OR5P2: variants seen among roughly 807,000 people sequenced by gnomAD.
OR5P2 encodes the protein olfactory receptor 5P2.
For synonymous variants in OR5P2, 165 were observed against 145.6 expected, an observed-to-expected ratio of 1.13 and a Z score of -0.96; for missense variants, 455 against 382.3, an observed-to-expected ratio of 1.19 and a Z score of -1.59.
rs147652902 is a variant in OR5P2 at position 7,796,624 on chromosome 11, C to G, written c.319G>C (p.Glu107Gln). ...LGSAAFFATV[E>Q]CVLLAAMAYD... ...GCCATGGCAGCCAGAAGGACGCATT[C>G]GACTGTTGCAAAGAAAGCCGCTGAA... Residue 107 changes from glutamate (E) to glutamine (Q), a missense_variant, in exon 1 of 1, where the codon GAA (glutamate) becomes CAA (glutamine). By Grantham distance (29) the Glu-to-Gln change is conservative (BLOSUM62 2). Transcript: ENST00000329434. 9.3e-6 allele frequency: 15 copies of G among 1,604,844 alleles called. No homozygotes were observed. Among genetic ancestry groups the G allele is most frequent in the Non-Finnish European group, 1.3e-5 (15 of 1,178,670 alleles).
In OR5P2 at chr11:7,796,331, C is replaced by A; in HGVS notation, c.612G>T (p.Val204=). 6.2e-7 allele frequency: 1 copy of A among 1,604,968 alleles called. No homozygotes were observed. Among genetic ancestry groups the A allele is most frequent in the Non-Finnish European group, 8.5e-7 (1 of 1,178,596 alleles). The change falls in exon 1 of 1, where the codon GTG becomes GTT. Residue 204 remains valine, a synonymous_variant. Transcript: ENST00000329434. ...VLSFSSGSII[V]VTVCVIAVCY... is the part of the protein sequence containing the mutation. ...AGACGGCTATGACACACACAGTGACCACAATGATGGATCCAGAAGAAAATG... is the reference window on the plus strand; with the variant it reads ...AGACGGCTATGACACACACAGTGACAACAATGATGGATCCAGAAGAAAATG...
Position 7,796,863 on chromosome 11 carries a change from C to G in OR5P2, c.80G>C (p.Arg27Pro). Residue 27 changes from arginine to proline, a missense_variant, in exon 1 of 1, where the codon CGA becomes CCA. By Grantham distance (103) the Arg-to-Pro change is moderately radical (BLOSUM62 -2). Transcript: ENST00000329434. ...LLGLTDDPIL[R>P]VILFMIILSG... ...TAGGATGATCATGAAGAGGATGACTCGAAGGATTGGATCATCTGTTAAGCC... is the reference window on the plus strand; with the variant it reads ...TAGGATGATCATGAAGAGGATGACTGGAAGGATTGGATCATCTGTTAAGCC... 1.6e-6 allele frequency: 2 copies of G among 1,225,326 alleles called. No homozygotes were observed. Among genetic ancestry groups the G allele is most frequent in the Non-Finnish European group, 2.3e-6 (2 of 887,018 alleles). 75.9% of individuals were successfully genotyped at this position (1,225,326 alleles called of 1,614,324 possible).
chr11:7,796,781 A>G lies in OR5P2; in HGVS notation c.162T>C (p.Pro54=). The change falls in exon 1 of 1, where the codon CCT becomes CCC. Residue 54 remains proline, a synonymous_variant. Transcript: ENST00000329434. The part of the protein sequence containing the change: ...LIRISSQLHH[P]MYFFLSHLAF... Reference sequence around the variant, plus strand: ...CCAAGTGGCTCAGAAAGAAATACATAGGATGATGGAGCTGAGAAGAAATTC... The same window carrying G: ...CCAAGTGGCTCAGAAAGAAATACATGGGATGATGGAGCTGAGAAGAAATTC... 6.2e-7 allele frequency: 1 copy of G among 1,600,990 alleles called. No individual in the cohort carries two copies. The highest frequency in any genetic ancestry group is 2.3e-5 in the East Asian group (1 of 44,332).
At position 7,796,375 on chromosome 11, in the gene OR5P2, C is replaced by T. The variant is rs76873054; in HGVS notation, c.568G>A (p.Val190Ile). The change falls in exon 1 of 1, where the codon GTC becomes ATC. Residue 190 changes from valine to isoleucine, a missense_variant. By Grantham distance (29) the Val-to-Ile change is conservative (BLOSUM62 3). Coordinates refer to ENST00000329434, the MANE Select transcript of OR5P2 (RefSeq NM_153444.1). ...GAAAATGAGAGAACAACTGTGGAGA[C>T]ACTGATATCAGAACAGGAGAGTTCA... is the stretch of plus-strand genomic sequence containing the variant. ...LLELSCSDIS[V>I]STVVLSFSSG... The T allele has an allele frequency of 4.4e-5, 71 of 1,604,852 alleles. 2 individuals carry two copies. The highest frequency in any genetic ancestry group is 5.9e-5 in the Non-Finnish European group (69 of 1,178,430).
chr11:7,796,430 A>G lies in OR5P2; in HGVS notation c.513T>C (p.Asn171=). The change falls in exon 1 of 1, where the codon AAT becomes AAC. Residue 171 remains asparagine, a synonymous_variant. Coordinates refer to ENST00000329434, the MANE Select transcript of OR5P2 (RefSeq NM_153444.1). ...FLLFCGPNQV[N]HFFCDFAPLL... ...AGGGAGCGAAATCACAGAAAAAATGATTGACTTGATTTGGTCCACAGAAGA... is the reference window on the plus strand; with the variant it reads ...AGGGAGCGAAATCACAGAAAAAATGGTTGACTTGATTTGGTCCACAGAAGA... The G allele has an allele frequency of 6.2e-7, 1 of 1,604,984 alleles. No homozygotes were observed. Among genetic ancestry groups the G allele is most frequent in the Non-Finnish European group, 8.5e-7 (1 of 1,178,430 alleles).
chr11:7,796,022 A>G lies in OR5P2; in HGVS notation c.921T>C (p.Ser307=). The G allele has an allele frequency of 1.3e-6, 2 of 1,597,672 alleles. No homozygotes were observed. Among genetic ancestry groups the G allele is most frequent in the Non-Finnish European group, 1.7e-6 (2 of 1,172,792 alleles). ...LKRELVRKIL[S]HDACYFSRTS... ...TTCTACTAAAATAACAAGCATCATG[A>G]GAAAGTATTTTTCTAACAAGCTCTC... Residue 307 remains serine (S), a synonymous_variant, in exon 1 of 1, where the codon TCT becomes TCC. Coordinates refer to ENST00000329434, the MANE Select transcript of OR5P2 (RefSeq NM_153444.1).
Position 7,796,147 on chromosome 11 carries a change from G to A in OR5P2, c.796C>T (p.Gln266Ter). ...VMPNFSYSTD[Q>*]NKVVSVLYTV... The stretch of plus-strand genomic sequence containing the variant: ...TACAACACAGACACCACCTTGTTCT[G>A]GTCAGTTGAGTAGCTAAAATTGGGC... Residue 266 changes from glutamine to a stop codon, truncating the protein, a stop_gained, in exon 1 of 1, where the codon CAG becomes TAG. Transcript: ENST00000329434. LOFTEE classifies it low-confidence loss of function (END_TRUNC). 1 of 1,605,128 alleles carries A rather than the reference G, an allele frequency of 6.2e-7. No homozygotes were observed. The highest frequency in any genetic ancestry group is 8.5e-7 in the Non-Finnish European group (1 of 1,178,618).
At position 7,796,221 on chromosome 11, in the gene OR5P2, A is replaced by C. The variant is rs1307403846; in HGVS notation, c.722T>G (p.Leu241Arg). ...CCCATAGAACAGGGTAACCACAGTG[A>C]GGTGGGAAGTGCAGGTGGAGAAGGC... ...HKAFSTCTSH[L>R]TVVTLFYGTI... Residue 241 changes from leucine (L) to arginine (R), a missense_variant, in exon 1 of 1, where the codon CTC becomes CGC. Leu to Arg is a moderately radical substitution (Grantham distance 102). Transcript: ENST00000329434. The C allele has an allele frequency of 6.2e-7, 1 of 1,604,980 alleles. No homozygotes were observed. The highest frequency in any genetic ancestry group is 1.4e-5 in the African/African-American group (1 of 69,088).
rs770660423 is a variant in OR5P2 at position 7,796,854 on chromosome 11, A to AT, written c.88_89insA (p.Leu30HisfsTer9). 2.5e-6 allele frequency: 4 copies of AT among 1,597,520 alleles called. No homozygotes were observed. Among genetic ancestry groups the AT allele is most frequent in the Non-Finnish European group, 3.4e-6 (4 of 1,172,446 alleles). ...ATTACCAGATAGGATGATCATGAAGAGGATGACTCGAAGGATTGGATCATC... is the reference window on the plus strand; with the variant it reads ...ATTACCAGATAGGATGATCATGAAGATGGATGACTCGAAGGATTGGATCATC... On this transcript the variant is annotated frameshift_variant, in exon 1 of 1. Coordinates refer to ENST00000329434, the MANE Select transcript of OR5P2 (RefSeq NM_153444.1). LOFTEE classifies it low-confidence loss of function (END_TRUNC).
In OR5P2 at chr11:7,796,361, A is replaced by T. The variant is rs1316542910; in HGVS notation, c.582T>A (p.Val194=). Residue 194 remains valine, a synonymous_variant, in exon 1 of 1, where the codon GTT becomes GTA. Transcript: ENST00000329434. ...SCSDISVSTV[V]LSFSSGSIIV... The stretch of plus-strand genomic sequence containing the variant: ...TGATGGATCCAGAAGAAAATGAGAG[A>T]ACAACTGTGGAGACACTGATATCAG... The T allele has an allele frequency of 6.2e-7, 1 of 1,605,166 alleles. No homozygotes were observed. The highest frequency in any genetic ancestry group is 2.3e-5 in the East Asian group (1 of 44,348).
rs756564944 is a variant in OR5P2, at chr11:7,796,303, A to C, written c.640T>G (p.Tyr214Asp). 2 of 1,605,044 alleles carry C rather than the reference A, an allele frequency of 1.2e-6. No individual in the cohort carries two copies. The highest frequency in any genetic ancestry group is 8.5e-7 in the Non-Finnish European group (1 of 1,178,498). ...VVTVCVIAVC[Y>D]IYILITILKM... ...AGGATGGTGATGAGGATATAGATGTAGCAGACGGCTATGACACACACAGTG... is the reference window on the plus strand; with the variant it reads ...AGGATGGTGATGAGGATATAGATGTCGCAGACGGCTATGACACACACAGTG... The change falls in exon 1 of 1, where the codon TAC becomes GAC. Residue 214 changes from tyrosine to aspartate, a missense_variant. Physicochemically the swap from Tyr to Asp is radical, Grantham distance 160. Coordinates refer to ENST00000329434, the MANE Select transcript of OR5P2 (RefSeq NM_153444.1).
chr11:7,796,546 A>C lies in OR5P2; in HGVS notation c.397T>G (p.Ser133Ala). The change falls in exon 1 of 1, where the codon TCC becomes GCC. Residue 133 changes from serine (S) to alanine (A), a missense_variant. Coordinates refer to ENST00000329434, the MANE Select transcript of OR5P2 (RefSeq NM_153444.1). ...AGTAGCTGGACACTGACTTGTGTGG[A>C]CATTTTGGTTGAATAAAGCAGTGGA... ...CSPLLYSTKM[S>A]TQVSVQLLLV... The C allele has an allele frequency of 6.2e-7, 1 of 1,605,852 alleles. No homozygotes were observed. Among genetic ancestry groups the C allele is most frequent in the Admixed American group, 1.7e-5 (1 of 59,836 alleles).
chr11:7,796,407 G>A lies in OR5P2; in HGVS notation c.536C>T (p.Pro179Leu). 1.2e-6 allele frequency: 2 copies of A among 1,604,512 alleles called. No individual in the cohort carries two copies. Among genetic ancestry groups the A allele is most frequent in the Non-Finnish European group, 1.7e-6 (2 of 1,178,232 alleles). Residue 179 changes from proline (P) to leucine (L), a missense_variant, in exon 1 of 1, where the codon CCC (proline) becomes CTC (leucine). Coordinates refer to ENST00000329434, the MANE Select transcript of OR5P2 (RefSeq NM_153444.1). The stretch of plus-strand genomic sequence containing the variant: ...ATCAGAACAGGAGAGTTCAAGTAAG[G>A]GAGCGAAATCACAGAAAAAATGATT... Reference protein sequence around the residue: ...QVNHFFCDFAPLLELSCSDIS... With the variant: ...QVNHFFCDFALLLELSCSDIS...
chr11:7,796,028 T>C lies in OR5P2; in HGVS notation c.915A>G (p.Ile305Met). Reference sequence around the variant, plus strand: ...TAAAATAACAAGCATCATGAGAAAGTATTTTTCTAACAAGCTCTCTCTTCA... The same window carrying C: ...TAAAATAACAAGCATCATGAGAAAGCATTTTTCTAACAAGCTCTCTCTTCA... ...GALKRELVRKILSHDACYFSR... is the reference protein window; with the variant it reads ...GALKRELVRKMLSHDACYFSR... Residue 305 changes from isoleucine to methionine, a missense_variant, in exon 1 of 1, where the codon ATA (isoleucine) becomes ATG (methionine). Ile to Met is a conservative substitution (Grantham distance 10, BLOSUM62 1). Transcript: ENST00000329434. 1 of 1,599,798 alleles carries C rather than the reference T, an allele frequency of 6.3e-7. No individual in the cohort carries two copies. Among genetic ancestry groups the C allele is most frequent in the Non-Finnish European group, 8.5e-7 (1 of 1,174,432 alleles).
In OR5P2 at chr11:7,796,647, G is replaced by C; in HGVS notation, c.296C>G (p.Ser99Ter). 6.2e-7 allele frequency: 1 copy of C among 1,605,276 alleles called. No homozygotes were observed. The highest frequency in any genetic ancestry group is 8.5e-7 in the Non-Finnish European group (1 of 1,178,612). The change falls in exon 1 of 1, where the codon TCA becomes TGA. Residue 99 changes from serine (S) to a stop codon, truncating the protein, a stop_gained. Coordinates refer to ENST00000329434, the MANE Select transcript of OR5P2 (RefSeq NM_153444.1). LOFTEE classifies it low-confidence loss of function (END_TRUNC). ...TTCGACTGTTGCAAAGAAAGCCGCT[G>C]AACCAAGCTGGATGGCACATCCAAG... is the stretch of plus-strand genomic sequence containing the variant. ...SYLGCAIQLG[S>*]AAFFATVECV...
Position 7,796,836 on chromosome 11 carries a change from G to GATATGTTTACCAGGTAGATGC in OR5P2, c.106_107insGCATCTACCTGGTAAACATAT (p.Leu35_Ser36insCysIleTyrLeuValAsnIle). 1 of 1,582,448 alleles carries GATATGTTTACCAGGTAGATGC rather than the reference G, an allele frequency of 6.3e-7. No homozygotes were observed. Among genetic ancestry groups the GATATGTTTACCAGGTAGATGC allele is most frequent in the East Asian group, 2.3e-5 (1 of 44,244 alleles). On this transcript the variant is annotated inframe_insertion, in exon 1 of 1. Coordinates refer to ENST00000329434, the MANE Select transcript of OR5P2 (RefSeq NM_153444.1). ...AAGAATAATTATGCTGAGATTACCAGATAGGATGATCATGAAGAGGATGAC... is the reference window on the plus strand; with the variant it reads ...AAGAATAATTATGCTGAGATTACCAGATATGTTTACCAGGTAGATGCATAGGATGATCATGAAGAGGATGAC...
rs978286879 is a variant in OR5P2, at chr11:7,796,649, A to C, written c.294T>G (p.Gly98=). 7 of 1,605,376 alleles carry C rather than the reference A, an allele frequency of 4.4e-6. No individual in the cohort carries two copies. Among genetic ancestry groups the C allele is most frequent in the Non-Finnish European group, 5.9e-6 (7 of 1,178,634 alleles). ...CGACTGTTGCAAAGAAAGCCGCTGA[A>C]CCAAGCTGGATGGCACATCCAAGGT... is the stretch of plus-strand genomic sequence containing the variant. ...VSYLGCAIQL[G]SAAFFATVEC... The change falls in exon 1 of 1, where the codon GGT becomes GGG. Residue 98 remains glycine, a synonymous_variant. Coordinates refer to ENST00000329434, the MANE Select transcript of OR5P2 (RefSeq NM_153444.1).
rs760659476 is a variant in OR5P2, at chr11:7,796,849, T to G, written c.94A>C (p.Met32Leu). The part of the protein sequence containing the change: ...DDPILRVILF[M>L]IILSGNLSII... ...CTGAGATTACCAGATAGGATGATCA[T>G]GAAGAGGATGACTCGAAGGATTGGA... is the stretch of plus-strand genomic sequence containing the variant. Residue 32 changes from methionine (M) to leucine (L), a missense_variant, in exon 1 of 1, where the codon ATG becomes CTG. Coordinates refer to ENST00000329434, the MANE Select transcript of OR5P2 (RefSeq NM_153444.1). The G allele has an allele frequency of 5.6e-5, 58 of 1,037,692 alleles. No individual in the cohort carries two copies. The highest frequency in any genetic ancestry group is 7.9e-5 in the Non-Finnish European group (58 of 738,590). The allele number at this position is 1,037,692 out of a possible 1,614,324, so 64.3% of individuals were successfully genotyped here.
Position 7,796,260 on chromosome 11 carries a change from T to G in OR5P2, c.683A>C (p.Glu228Ala), listed in dbSNP as rs201777063. 1.4e-5 allele frequency: 23 copies of G among 1,604,960 alleles called. No individual in the cohort carries two copies. Among genetic ancestry groups the G allele is most frequent in the African/African-American group, 2.9e-5 (2 of 69,148 alleles). ...GGTGGAGAAGGCCTTGTGGTGCCCC[T>G]CAGTGGAGCGCATCTTCAGGATGGT... is the stretch of plus-strand genomic sequence containing the variant. The part of the protein sequence containing the change: ...LITILKMRST[E>A]GHHKAFSTCT... Residue 228 changes from glutamate to alanine, a missense_variant, in exon 1 of 1, where the codon GAG becomes GCG. Coordinates refer to ENST00000329434, the MANE Select transcript of OR5P2 (RefSeq NM_153444.1).
Sources: allele counts gnomAD v4.1 joint callset, GRCh38; gene constraint gnomAD v4.1.1; transcripts MANE v1.5; gene names NCBI Gene and HGNC (gene_info 2026-07-23, HGNC 2026-07-21).